Variants in MCC observed in about 807,000 individuals in gnomAD.
The protein encoded by MCC is colorectal mutant cancer protein.
In MCC, 90 loss-of-function variants were observed where a neutral mutation model predicts 116.2. The observed-to-expected ratio is 0.77, with a 90% CI of 0.65 to 0.92. The LOEUF is 0.92. Ranked by LOEUF, MCC falls within the 40% of genes least tolerant of loss-of-function variation. MCC has a pLI of 0.00. For missense variants in MCC, 1,516 were observed against 1,312.2 expected (o/e 1.16, Z -2.40); for synonymous variants, 578 against 510.5 (o/e 1.13, Z -1.78).
intron 3 of MCC, among the ~76,000 whole-genome samples, chr5:113,218,425 C>A (rs996419276): frequency 1.1e-4 from 17 of 152,132 alleles, no homozygotes; most frequent in South Asian, 2.1e-4. Context: ...CCGCTTTCTC[C>A]TCCTTGTTCC....
intron 5 of MCC, among the ~76,000 whole-genome samples, chr5:113,132,993 T>C (rs1758555380): frequency 6.6e-6 from 1 of 152,122 alleles, no homozygotes; most frequent in African/African-American, 2.4e-5. Flanking sequence ...AAAATAAGAA[T>C]CTATAACTTT....
chr5:113,330,744 C>T (rs1260612817), intron 3 of MCC, among the ~76,000 whole-genome samples: 1 of 152,166 alleles, frequency 6.6e-6, no homozygotes, highest in Non-Finnish European at 1.5e-5. Context: ...GGACCACTGC[C>T]CTCTAGTGTA....
chr5:113,213,495 G>C (rs1763203491), intron 3 of MCC, among the ~76,000 whole-genome samples: 1 of 152,182 alleles, frequency 6.6e-6, no homozygotes, highest in Non-Finnish European at 1.5e-5. Context: ...TTCACAGCAA[G>C]CAGTGTCCTA....
At chr5:113,132,421 C>CAT (rs1156250166) in intron 5 of MCC, among the ~76,000 whole-genome samples, 6 of 118,722 alleles carry the variant, frequency 5.1e-5, no homozygotes, top group African/African-American at 1.8e-4. Context: ...TATATATACA[C>CAT]ACATACATAT....
intron 2 of MCC, among the ~76,000 whole-genome samples, chr5:113,363,107 A>C (rs1768588171): frequency 6.6e-6 from 1 of 151,946 alleles, no homozygotes; most frequent in Admixed American, 6.6e-5. Flanking sequence ...GCAAAACCCT[A>C]TCTCTACTAA....
intron 10 of MCC, among the ~76,000 whole-genome samples, chr5:113,083,870 T>C (rs534806257): frequency 6.6e-6 from 1 of 152,206 alleles, no homozygotes; most frequent in African/African-American, 2.4e-5. Flanking sequence ...TCTGAATGGT[T>C]TCAAGGAAAG....
At chr5:113,300,297 C>T (rs1013879598) in intron 3 of MCC, among the ~76,000 whole-genome samples, 15 of 152,112 alleles carry the variant, frequency 9.9e-5, no homozygotes, top group Non-Finnish European at 1.6e-4. Context: ...CCTTGCCTAC[C>T]CCAGCAGTCC....
chr5:113,384,943 A>G, intron 2 of MCC, 25 bp downstream of exon 2: 1 of 1,613,076 alleles, frequency 6.2e-7, no homozygotes. Flanking sequence ...GGAGTGCCAT[A>G]AAACTGCCAC....
intron 5 of MCC, among the ~76,000 whole-genome samples, chr5:113,125,011 G>C (rs1480937634): frequency 1.3e-5 from 2 of 152,212 alleles, no homozygotes; most frequent in Non-Finnish European, 2.9e-5. Context: ...ACAGGCAAAG[G>C]CTCAGAGGAG....
intron 17 of MCC, among the ~76,000 whole-genome samples, chr5:113,041,946 G>A (rs956985494): frequency 2.6e-5 from 4 of 152,106 alleles, no homozygotes; most frequent in South Asian, 2.1e-4. Flanking sequence ...GCAGTGAGCC[G>A]AGATCGCACC....
At chr5:113,316,071 C>G (rs1328633450) in intron 3 of MCC, among the ~76,000 whole-genome samples, 1 of 152,032 alleles carries the variant, frequency 6.6e-6, no homozygotes, top group Non-Finnish European at 1.5e-5. Context: ...GCCTGACCAA[C>G]AAGGTGAAAC....
At chr5:113,139,836 C>T (rs894082286) in intron 5 of MCC, among the ~76,000 whole-genome samples, 1 of 152,180 alleles carries the variant, frequency 6.6e-6, no homozygotes, top group African/African-American at 2.4e-5. Context: ...ATTCTCCTGC[C>T]TCAGCCTCCT....
intron 5 of MCC, among the ~76,000 whole-genome samples, chr5:113,131,553 T>C (rs1348319746): frequency 1.3e-5 from 2 of 152,216 alleles, no homozygotes; most frequent in East Asian, 1.9e-4. Context: ...ATGTTTCAAG[T>C]AGAAAGGATT....
intron 3 of MCC, among the ~76,000 whole-genome samples, chr5:113,179,063 A>G (rs111556750): frequency 6.6e-4 from 101 of 152,336 alleles, no homozygotes; most frequent in African/African-American, 2.2e-3. Flanking sequence ...ACCATCCCCC[A>G]TACCACACTC....
chr5:113,119,394 A>G (rs922858611), intron 6 of MCC, among the ~76,000 whole-genome samples: 1 of 152,140 alleles, frequency 6.6e-6, no homozygotes, highest in African/African-American at 2.4e-5. Context: ...CTTGGTGGAG[A>G]CAGCTGCCGA....
intron 17 of MCC, among the ~76,000 whole-genome samples, chr5:113,040,501 C>T (rs1321676078): frequency 6.6e-6 from 1 of 152,132 alleles, no homozygotes; most frequent in Non-Finnish European, 1.5e-5. Context: ...GCTGAAAATG[C>T]TGGTAAGATT....
At chr5:113,097,601 G>T (rs1756105508) in intron 8 of MCC, among the ~76,000 whole-genome samples, 3 of 152,110 alleles carry the variant, frequency 2.0e-5, no homozygotes, top group Non-Finnish European at 4.4e-5. Flanking sequence ...CTCAAGAAAA[G>T]CAACACCAAG....
intron 3 of MCC, among the ~76,000 whole-genome samples, chr5:113,286,304 C>T (rs557126968): frequency 6.6e-5 from 10 of 152,350 alleles, no homozygotes; most frequent in Non-Finnish European, 4.4e-5. Context: ...ATTACTCCCA[C>T]TCTCACCACA....
At chr5:113,260,988 T>C (rs1341844623) in intron 3 of MCC, among the ~76,000 whole-genome samples, 1 of 152,116 alleles carries the variant, frequency 6.6e-6, no homozygotes, top group East Asian at 1.9e-4. Flanking sequence ...CAAAAAAGGA[T>C]TGTTAGGATA....
Sources: gnomAD v4.1 joint callset for allele counts (sites outside exome capture counted in the v4.1 genomes callset) on GRCh38, gnomAD v4.1.1 for gene constraint, MANE v1.5 for transcripts, NCBI Gene and HGNC (gene_info 2026-07-23, HGNC 2026-07-21) for gene names.